The following FASTKD1 variants were observed in gnomAD, a reference collection of about 807,000 sequenced individuals.
The protein encoded by FASTKD1 is FAST kinase domain-containing protein 1, mitochondrial.
A neutral mutation model predicts 90.9 loss-of-function variants in FASTKD1; 94 were observed. That is an observed-to-expected ratio of 1.03 (90% CI 0.88 to 1.23). FASTKD1 has a LOEUF of 1.23. FASTKD1 is among the 50% of genes most tolerant of loss of function. The pLI is 0.00. For missense variants in FASTKD1, 945 were observed against 993.5 expected, an observed-to-expected ratio of 0.95 and a Z score of 0.66; for synonymous variants, 319 against 345.8, an observed-to-expected ratio of 0.92 and a Z score of 0.86.
chr2:169,569,323 G>C, intron 2 of FASTKD1, 71 bp from the exon 3 acceptor site: 1 of 1,381,764 alleles, frequency 7.2e-7, no homozygotes. Flanking sequence ...CAATACGAAT[G>C]ATAATGCAAA....
At position 169,546,318 on chromosome 2, in the gene FASTKD1, A is replaced by G. The variant is rs774069444; in HGVS notation, c.1601T>C (p.Ile534Thr). ...LQHFMDDINYINVGEIASFIS... is the reference protein window; with the variant it reads ...LQHFMDDINYTNVGEIASFIS... Reference sequence around the variant, plus strand: ...AAAAGATGCAATCTCCCCAACATTTATGTAATTAATATCATCCATGAAATG... The same window carrying G: ...AAAAGATGCAATCTCCCCAACATTTGTGTAATTAATATCATCCATGAAATG... Residue 534 changes from isoleucine (I) to threonine (T), a missense_variant, in exon 8 of 15, where the codon ATA (isoleucine) becomes ACA (threonine). By Grantham distance (89) the Ile-to-Thr change is moderately conservative (BLOSUM62 -1). Transcript: ENST00000453153. The G allele has an allele frequency of 1.2e-6, 2 of 1,614,020 alleles. No individual in the cohort carries two copies. Among genetic ancestry groups the G allele is most frequent in the South Asian group, 2.2e-5 (2 of 91,080 alleles).
chr2:169,530,587 C>A lies in FASTKD1; in HGVS notation c.2442G>T (p.Gln814His), dbSNP rs762858956. ...HLEILGYRVI[Q>H]ISQFEWNSMA... Reference sequence around the variant, plus strand: ...GCTGAATTACATGAGTATTTCATACCTGAATTACACGATACCCCAGAATTT... The same window carrying A: ...GCTGAATTACATGAGTATTTCATACATGAATTACACGATACCCCAGAATTT... The change falls in exon 14 of 15, where the codon CAG (glutamine) becomes CAT (histidine). Residue 814 changes from glutamine to histidine, a missense_variant and splice_region_variant. Physicochemically the swap from Gln to His is conservative, Grantham distance 24. Coordinates refer to ENST00000453153, the MANE Select transcript of FASTKD1 (RefSeq NM_024622.6). 3 of 1,571,210 alleles carry A rather than the reference C, an allele frequency of 1.9e-6. No individual in the cohort carries two copies. Among genetic ancestry groups the A allele is most frequent in the East Asian group, 2.3e-5 (1 of 44,314 alleles).
rs772127945 is a variant in FASTKD1 at position 169,569,231 on chromosome 2, G to A, written c.399C>T (p.Asp133=). ...VTQQFAGEAH[D]PLVEALVTEA... is the part of the protein sequence containing the mutation. Reference sequence around the variant, plus strand: ...CTGTAACTAGTGCTTCAACTAGCGGGTCATGGGCCTCACCAGCAAACCTTA... The same window carrying A: ...CTGTAACTAGTGCTTCAACTAGCGGATCATGGGCCTCACCAGCAAACCTTA... Residue 133 remains aspartate, a synonymous_variant, in exon 3 of 15, where the codon GAC becomes GAT. Transcript: ENST00000453153. The A allele has an allele frequency of 6.2e-7, 1 of 1,613,932 alleles. No homozygotes were observed. The highest frequency in any genetic ancestry group is 8.5e-7 in the Non-Finnish European group (1 of 1,179,982).
At chr2:169,536,307 T>C (rs928879361) in intron 12 of FASTKD1, among the ~76,000 whole-genome samples, 3 of 152,158 alleles carry the variant, frequency 2.0e-5, no homozygotes, top group African/African-American at 2.4e-5. Context: ...TCCTCTCTAG[T>C]TCTGTCTACG....
intron 4 of FASTKD1, among the ~76,000 whole-genome samples, chr2:169,561,938 T>TATAA (rs1457370342): frequency 5.1e-5 from 7 of 136,876 alleles, no homozygotes; most frequent in African/African-American, 2.0e-4. Flanking sequence ...TTTGTTAATT[T>TATAA]ATTATAAATT....
chr2:169,537,991 C>G (rs776429895), intron 11 of FASTKD1, 22 bp downstream of exon 11: 1 of 1,578,186 alleles, frequency 6.3e-7, no homozygotes, highest in South Asian at 1.2e-5. Flanking sequence ...ACTTTGCTAT[C>G]TGACTAAAAG....
At position 169,538,026 on chromosome 2, in the gene FASTKD1, T is replaced by C. The variant is rs1684798453; in HGVS notation, c.2061A>G (p.Gln687=). ...QIPWFHDRFC[Q]QYNKGIGGMD... is the part of the protein sequence containing the mutation. ...GAAAACTCAAACCTTTATTATATTG[T>C]TGACAGAAGCGGTCATGAAACCATG... The change falls in exon 11 of 15, where the codon CAA becomes CAG. Residue 687 remains glutamine (Q), a synonymous_variant. Transcript: ENST00000453153. The C allele has an allele frequency of 6.2e-7, 1 of 1,602,562 alleles. No individual in the cohort carries two copies.
At position 169,572,153 on chromosome 2, in the gene FASTKD1, G is replaced by C. The variant is rs183807218; in HGVS notation, c.-124C>G. On this transcript the variant is annotated 5_prime_UTR_variant, in exon 2 of 15. Transcript: ENST00000453153. ...TGCTTCCATTACAATGACTGTAAAC[G>C]CATTCCAATGTACAGCTTCTATAAA... The C allele has an allele frequency of 5.3e-4, 582 of 1,106,114 alleles. 1 individual carries two copies. The African/African-American group carries it at 8.0e-3, about 15-fold the overall frequency. The allele number at this position is 1,106,114 out of a possible 1,614,324, so 68.5% of individuals were successfully genotyped here.
intron 7 of FASTKD1, 109 bp downstream of exon 7, chr2:169,555,015 C>CTTTTACTTAACAT: frequency 1.0e-6 from 1 of 969,512 alleles, no homozygotes; most frequent in East Asian, 2.7e-5. Context: ...TACTAATAAG[C>CTTTTACTTAACAT]TTCACAATTT....
At position 169,563,457 on chromosome 2, in the gene FASTKD1, A is replaced by T. The variant is rs879516419; in HGVS notation, c.447-107T>A. The T allele has an allele frequency of 2.8e-5, 22 of 789,444 alleles. No individual in the cohort carries two copies. In the South Asian group the frequency reaches 3.1e-4, roughly 11 times the overall value. The allele number at this position is 789,444 out of a possible 1,614,324, so 48.9% of individuals were successfully genotyped here. ...CAATCAAAATAGTAAATTACATAAA[A>T]TTTTTTTTCTAAAATGTTATTATTA... On this transcript the variant is annotated intron_variant, in intron 3 of 14. Coordinates refer to ENST00000453153, the MANE Select transcript of FASTKD1 (RefSeq NM_024622.6).
chr2:169,557,862 T>C (rs1000471833), intron 5 of FASTKD1, among the ~76,000 whole-genome samples: 2 of 152,232 alleles, frequency 1.3e-5, no homozygotes, highest in African/African-American at 4.8e-5. Context: ...ATGATACGTG[T>C]ATTTTTTAGA....
intron 5 of FASTKD1, among the ~76,000 whole-genome samples, chr2:169,557,656 T>C (rs12478568): frequency 0.075 from 11,428 of 152,272 alleles, 566 homozygotes; most frequent in South Asian, 0.21. Context: ...GAACAGTTGA[T>C]ATTCTGACAA....
At chr2:169,555,078 T>A in intron 7 of FASTKD1, 46 bp downstream of exon 7, 1 of 1,560,404 alleles carries the variant, frequency 6.4e-7, no homozygotes, top group Non-Finnish European at 8.7e-7. Flanking sequence ...ACAAATATTG[T>A]GGCTAGAAAA....
intron 3 of FASTKD1, among the ~76,000 whole-genome samples, chr2:169,568,671 G>C (rs972447207): frequency 3.9e-5 from 5 of 129,294 alleles, no homozygotes; most frequent in Non-Finnish European, 8.5e-5. Context: ...GACAGAAAAA[G>C]AGAGAAGAAA....
chr2:169,572,485 T>C (rs893422944), intron 1 of FASTKD1, among the ~76,000 whole-genome samples: 2 of 151,710 alleles, frequency 1.3e-5, no homozygotes, highest in African/African-American at 2.4e-5. Flanking sequence ...ATAATCACCT[T>C]CAAAGTTTCT....
At chr2:169,548,715 G>A (rs191321424) in intron 7 of FASTKD1, among the ~76,000 whole-genome samples, 2,020 of 108,838 alleles carry the variant, frequency 0.019, 55 homozygotes, top group African/African-American at 0.069. Flanking sequence ...CTGGGTGACA[G>A]AGCAAGACTC....
chr2:169,560,871 C>CATAGCA, intron 4 of FASTKD1, 86 bp from the exon 5 acceptor site: 1 of 1,018,078 alleles, frequency 9.8e-7, no homozygotes, highest in Non-Finnish European at 1.3e-6. Context: ...TTTGTAGAAA[C>CATAGCA]AGAGTCTTGC....
rs139546135 is a variant in FASTKD1, at chr2:169,544,797, G to A, written c.1740C>T (p.Phe580=). Residue 580 remains phenylalanine (F), a synonymous_variant, in exon 9 of 15, where the codon TTC becomes TTT. Coordinates refer to ENST00000453153, the MANE Select transcript of FASTKD1 (RefSeq NM_024622.6). ...GAGGTGGATCATAGTTCAATACGCT[G>A]AATGGACGAATAATAGCAGGGATTG... ...PFTIPAIIRP[F]SVLNYDPPQR... 6.7e-5 allele frequency: 108 copies of A among 1,612,046 alleles called. No individual in the cohort carries two copies. The highest frequency in any genetic ancestry group is 8.5e-5 in the Non-Finnish European group (100 of 1,178,478).
chr2:169,538,733 A>G (rs1177842964), intron 10 of FASTKD1, among the ~76,000 whole-genome samples: 1 of 151,364 alleles, frequency 6.6e-6, no homozygotes, highest in African/African-American at 2.4e-5. Flanking sequence ...AATATTCCAC[A>G]CTTAGGATTT....
Sources: gnomAD v4.1 joint callset for allele counts (sites outside exome capture counted in the v4.1 genomes callset) on GRCh38, gnomAD v4.1.1 for gene constraint, MANE v1.5 for transcripts, NCBI Gene and HGNC (gene_info 2026-07-23, HGNC 2026-07-21) for gene names.